The following GLI3 variants were observed in gnomAD, a reference collection of about 807,000 sequenced individuals.
GLI3 encodes GLI family zinc finger 3, also known as transcription activator GLI3.
In GLI3, 20 loss-of-function variants were observed where a neutral mutation model predicts 100.8. That is an observed-to-expected ratio of 0.20 (90% confidence interval 0.14 to 0.29). The LOEUF is 0.29. GLI3 is among the 10% of genes least tolerant of loss of function. GLI3 has a pLI of 1.00. For missense variants in GLI3, 2,040 were observed against 2,128.5 expected, an observed-to-expected ratio of 0.96 and a Z score of 0.82; for synonymous variants, 938 against 860.5, an observed-to-expected ratio of 1.09 and a Z score of -1.58.
chr7:42,102,376 T>C (rs1158618419), intron 3 of GLI3, among the ~76,000 whole-genome samples: 1 of 152,204 alleles, frequency 6.6e-6, no homozygotes, highest in Non-Finnish European at 1.5e-5. Context: ...GGAGAAGCAG[T>C]CAGAGCTCAT....
chr7:42,105,190 C>T (rs1785546855), intron 3 of GLI3, among the ~76,000 whole-genome samples: 1 of 152,188 alleles, frequency 6.6e-6, no homozygotes. Context: ...GTGCCTGCTA[C>T]TGTGTGCCCT....
At chr7:42,084,183 C>T (rs1173931300) in intron 3 of GLI3, among the ~76,000 whole-genome samples, 1 of 152,210 alleles carries the variant, frequency 6.6e-6, no homozygotes, top group African/African-American at 2.4e-5. Context: ...CCCATCACTA[C>T]ACTCTGGCCA....
chr7:42,143,376 A>G (rs1018788283), intron 3 of GLI3, among the ~76,000 whole-genome samples: 4 of 152,226 alleles, frequency 2.6e-5, no homozygotes, highest in Non-Finnish European at 5.9e-5. Context: ...TCAAGACAAA[A>G]CTGTTCATTT....
At chr7:42,026,477 A>G in intron 7 of GLI3, 65 bp from the exon 8 acceptor site, 1 of 1,171,084 alleles carries the variant, frequency 8.5e-7, no homozygotes, top group South Asian at 1.3e-5. Context: ...AGTACACAAG[A>G]TCTGCAGCTT....
intron 3 of GLI3, among the ~76,000 whole-genome samples, chr7:42,099,218 T>C (rs1049122587): frequency 3.3e-5 from 5 of 152,314 alleles, no homozygotes; most frequent in Admixed American, 6.5e-5. Flanking sequence ...TTTGATCAGC[T>C]TAAGGCCAAA....
rs556577507 is a variant in GLI3, at chr7:42,221,309, A to C, written c.124+1821T>G. ...TAGTGGCACAAACAACAGCATCTTC[A>C]TAAGAATGAGACTCTGTGGCCATGC... On this transcript the variant is annotated intron_variant, in intron 2 of 14. Coordinates refer to ENST00000395925, the MANE Select transcript of GLI3 (RefSeq NM_000168.6). 3.9e-5 allele frequency among the ~76,000 whole-genome samples: 6 copies of C among 152,314 alleles called. No individual in the cohort carries two copies. In the East Asian group the frequency reaches 1.2e-3, roughly 29 times the overall value.
At chr7:42,098,144 C>A (rs147736785) in intron 3 of GLI3, among the ~76,000 whole-genome samples, 2 of 152,010 alleles carry the variant, frequency 1.3e-5, no homozygotes, top group African/African-American at 4.8e-5. Flanking sequence ...CAGAGAGAAA[C>A]GACACGTGAA....
intron 4 of GLI3, among the ~76,000 whole-genome samples, chr7:42,056,826 T>TAAATAAATAAATAAAA (rs1296668716): frequency 2.0e-5 from 3 of 150,758 alleles, no homozygotes; most frequent in South Asian, 2.1e-4. Flanking sequence ...AATAAATAAA[T>TAAATAAATAAATAAAA]AAAAAATTAG....
At chr7:42,213,418 T>C (rs1410474459) in intron 2 of GLI3, among the ~76,000 whole-genome samples, 1 of 152,184 alleles carries the variant, frequency 6.6e-6, no homozygotes, top group Non-Finnish European at 1.5e-5. Flanking sequence ...CCCCTCCCTA[T>C]TTGTAATAGC....
chr7:42,179,203 C>T (rs1787542036), intron 2 of GLI3, among the ~76,000 whole-genome samples: 1 of 152,142 alleles, frequency 6.6e-6, no homozygotes, highest in African/African-American at 2.4e-5. Flanking sequence ...TTGTCTGCTG[C>T]CATGTGAGAT....
intron 3 of GLI3, among the ~76,000 whole-genome samples, chr7:42,127,715 A>C (rs1199170589): frequency 6.6e-6 from 1 of 152,250 alleles, no homozygotes; most frequent in Non-Finnish European, 1.5e-5. Context: ...CCATGTTAAG[A>C]AACAAATGTA....
chr7:41,969,796 T>C (rs3801159), intron 13 of GLI3, among the ~76,000 whole-genome samples: 49,922 of 152,114 alleles, frequency 0.33, 9,480 homozygotes, highest in East Asian at 0.81. Context: ...AGAGATTACA[T>C]TGCTAACAAC....
rs1445110024 is a variant in GLI3, at chr7:41,964,410, T to C, written c.4663A>G (p.Thr1555Ala). The C allele has an allele frequency of 3.7e-6, 6 of 1,613,964 alleles. No homozygotes were observed. Among genetic ancestry groups the C allele is most frequent in the South Asian group, 1.1e-5 (1 of 91,074 alleles). Reference protein sequence around the residue: ...LPFPALSMSTTNMAIGDMSSL... With the variant: ...LPFPALSMSTANMAIGDMSSL... The stretch of plus-strand genomic sequence containing the variant: ...CTCATGTCCCCGATAGCCATGTTGG[T>C]GGTGCTCATGGACAGCGCTGGGAAT... The change falls in exon 15 of 15, where the codon ACC (threonine) becomes GCC (alanine). Residue 1555 changes from threonine to alanine, a missense_variant. Transcript: ENST00000395925.
At chr7:42,048,314 C>A (rs1307496857) in intron 5 of GLI3, among the ~76,000 whole-genome samples, 177 bp downstream of exon 5, 3 of 151,988 alleles carry the variant, frequency 2.0e-5, no homozygotes, top group Admixed American at 1.3e-4. Flanking sequence ...GATAATAACA[C>A]CACTGCCAAT....
At chr7:42,156,150 C>G (rs992181394) in intron 2 of GLI3, among the ~76,000 whole-genome samples, 1 of 152,174 alleles carries the variant, frequency 6.6e-6, no homozygotes, top group African/African-American at 2.4e-5. Context: ...CACTTGAGAA[C>G]AGGAAAATAT....
intron 2 of GLI3, among the ~76,000 whole-genome samples, chr7:42,178,934 G>A (rs1448492826): frequency 6.6e-6 from 1 of 152,100 alleles, no homozygotes; most frequent in African/African-American, 2.4e-5. Context: ...AGGGGAAGAG[G>A]AAGAAGAAAG....
intron 7 of GLI3, among the ~76,000 whole-genome samples, chr7:42,036,258 C>T (rs1789434785): frequency 6.6e-6 from 1 of 152,202 alleles, no homozygotes; most frequent in South Asian, 2.1e-4. Context: ...AACACTCATA[C>T]AGATTGCAAC....
intron 1 of GLI3, among the ~76,000 whole-genome samples, chr7:42,248,784 A>T (rs922828682): frequency 1.3e-5 from 2 of 151,640 alleles, no homozygotes; most frequent in South Asian, 4.2e-4. Flanking sequence ...TTTATTTATT[A>T]TTTTTATTCA....
At chr7:41,990,122 TACACACACACAC>T (rs3138802) in intron 10 of GLI3, among the ~76,000 whole-genome samples, 14,920 of 148,948 alleles carry the variant, frequency 0.1, 1,277 homozygotes, top group African/African-American at 0.24. Flanking sequence ...AATGCTTGCT[TACACACACACAC>T]ACACACACAC....
Sources: gnomAD v4.1 joint callset for allele counts (sites outside exome capture counted in the v4.1 genomes callset) on GRCh38, gnomAD v4.1.1 for gene constraint, MANE v1.5 for transcripts, NCBI Gene and HGNC (gene_info 2026-07-23, HGNC 2026-07-21) for gene names.